Variants in SH3GL2 observed in about 807,000 individuals in gnomAD.
SH3GL2 encodes the protein endophilin-A1.
Under a neutral mutation model 46.0 loss-of-function variants are expected in SH3GL2, and 24 were observed. That is an observed-to-expected ratio of 0.52 (90% confidence interval 0.38 to 0.73). The LOEUF is 0.73. SH3GL2 is among the 30% of genes least tolerant of loss of function. The pLI, the probability that SH3GL2 is intolerant of heterozygous loss-of-function variation, is 0.00. For synonymous variants in SH3GL2, 196 were observed against 147.1 expected (o/e 1.33, Z -2.40); for missense variants, 413 against 424.2 (o/e 0.97, Z 0.23).
intron 2 of SH3GL2, among the ~76,000 whole-genome samples, chr9:17,751,853 A>ACC (rs35670812): frequency 6.6e-6 from 1 of 151,632 alleles, no homozygotes; most frequent in South Asian, 2.1e-4. Context: ...GCTAAGACAC[A>ACC]CCCCCCCGGT....
intron 1 of SH3GL2, among the ~76,000 whole-genome samples, chr9:17,652,831 A>T (rs546257531): frequency 3.3e-5 from 5 of 152,172 alleles, no homozygotes; most frequent in Non-Finnish European, 7.4e-5. Context: ...TGAATTTGTT[A>T]TTCTAGTAGA....
intron 3 of SH3GL2, among the ~76,000 whole-genome samples, chr9:17,770,737 A>T (rs1823452897): frequency 6.6e-6 from 1 of 152,194 alleles, no homozygotes; most frequent in African/African-American, 2.4e-5. Flanking sequence ...CAGCCCAAGG[A>T]GAGGACCACA....
chr9:17,625,258 G>A (rs188614687), intron 1 of SH3GL2, among the ~76,000 whole-genome samples: 20 of 152,210 alleles, frequency 1.3e-4, no homozygotes, highest in African/African-American at 4.8e-4. Flanking sequence ...CCCTTGGTGG[G>A]AGCAGCCTGC....
At chr9:17,672,966 C>G (rs1459810686) in intron 1 of SH3GL2, among the ~76,000 whole-genome samples, 1 of 152,154 alleles carries the variant, frequency 6.6e-6, no homozygotes, top group Admixed American at 6.5e-5. Flanking sequence ...GAGAAGACTA[C>G]TGCCTGCTCT....
chr9:17,657,491 A>G (rs1354378208), intron 1 of SH3GL2, among the ~76,000 whole-genome samples: 1 of 152,154 alleles, frequency 6.6e-6, no homozygotes, highest in African/African-American at 2.4e-5. Context: ...TTTTGGTGTT[A>G]TTCTAATTAT....
intron 1 of SH3GL2, among the ~76,000 whole-genome samples, chr9:17,690,217 G>C (rs1300970693): frequency 3.3e-5 from 5 of 152,132 alleles, no homozygotes; most frequent in Non-Finnish European, 7.4e-5. Context: ...AGAAGTGACT[G>C]CTCAGTAGCG....
intron 1 of SH3GL2, among the ~76,000 whole-genome samples, chr9:17,708,474 T>C (rs930172072): frequency 6.6e-6 from 1 of 152,058 alleles, no homozygotes; most frequent in Non-Finnish European, 1.5e-5. Flanking sequence ...TTTTGGCTTT[T>C]AAAAACATGT....
intron 1 of SH3GL2, among the ~76,000 whole-genome samples, chr9:17,635,617 C>T (rs1396357572): frequency 2.0e-5 from 3 of 152,182 alleles, no homozygotes; most frequent in African/African-American, 2.4e-5. Context: ...ATGCACTGTT[C>T]TTGACCTCAC....
rs777017515 is a variant in SH3GL2 at position 17,709,938 on chromosome 9, C to T, written c.46-37128C>T. 4.6e-5 allele frequency among the ~76,000 whole-genome samples: 7 copies of T among 151,744 alleles called. No individual in the cohort carries two copies. In the South Asian group the frequency reaches 6.2e-4, roughly 14 times the overall value. The stretch of plus-strand genomic sequence containing the variant: ...GGGAGATAGAAATATATACCATTAA[C>T]AATAGAGTGAGGGCAGTACCCCTAG... On this transcript the variant is annotated intron_variant, in intron 1 of 8. Transcript: ENST00000380607.
At chr9:17,753,434 T>C (rs925501059) in intron 2 of SH3GL2, among the ~76,000 whole-genome samples, 3 of 152,256 alleles carry the variant, frequency 2.0e-5, no homozygotes, top group African/African-American at 4.8e-5. Flanking sequence ...TCAGTGATGT[T>C]GAGTGTTTTC....
intron 1 of SH3GL2, among the ~76,000 whole-genome samples, chr9:17,584,787 G>T (rs1246392176): frequency 6.6e-6 from 1 of 152,156 alleles, no homozygotes; most frequent in Non-Finnish European, 1.5e-5. Flanking sequence ...GGCCTGTGGG[G>T]TATATGAAAA....
intron 1 of SH3GL2, among the ~76,000 whole-genome samples, chr9:17,663,383 T>A (rs1015535109): frequency 6.6e-6 from 1 of 152,220 alleles, no homozygotes; most frequent in Non-Finnish European, 1.5e-5. Flanking sequence ...TTCCTCCTAT[T>A]AAAATTTTTT....
chr9:17,755,018 C>G (rs1335053407), intron 2 of SH3GL2, among the ~76,000 whole-genome samples: 1 of 152,110 alleles, frequency 6.6e-6, no homozygotes, highest in Non-Finnish European at 1.5e-5. Context: ...ACTTCCAATA[C>G]TATGTTAAAT....
At chr9:17,766,144 G>A (rs896240064) in intron 3 of SH3GL2, among the ~76,000 whole-genome samples, 3 of 152,204 alleles carry the variant, frequency 2.0e-5, no homozygotes, top group Non-Finnish European at 4.4e-5. Flanking sequence ...ACAGTCTGAG[G>A]AGAGGAGCCC....
chr9:17,731,338 G>A (rs895811977), intron 1 of SH3GL2, among the ~76,000 whole-genome samples: 5 of 151,626 alleles, frequency 3.3e-5, no homozygotes, highest in Admixed American at 1.3e-4. Context: ...ATATGAGTTC[G>A]TGAGGGTAGA....
At chr9:17,787,538 A>C (rs776602964) in intron 5 of SH3GL2, 25 bp downstream of exon 5, 2 of 1,603,298 alleles carry the variant, frequency 1.2e-6, no homozygotes, top group Non-Finnish European at 1.7e-6. Context: ...TCTTCTGGAA[A>C]GTGGGCAGTT....
intron 1 of SH3GL2, among the ~76,000 whole-genome samples, chr9:17,624,137 T>C (rs148405997): frequency 6.6e-6 from 1 of 152,358 alleles, no homozygotes; most frequent in Non-Finnish European, 1.5e-5. Context: ...TGCTGCCTCA[T>C]GATTAGATTC....
At chr9:17,767,191 A>G (rs184861772) in intron 3 of SH3GL2, among the ~76,000 whole-genome samples, 1 of 152,316 alleles carries the variant, frequency 6.6e-6, no homozygotes, top group Non-Finnish European at 1.5e-5. Context: ...TTTTCCCTTG[A>G]ATGCCTATAT....
At chr9:17,761,346 A>C in intron 2 of SH3GL2, 91 bp from the exon 3 acceptor site, 1 of 812,060 alleles carries the variant, frequency 1.2e-6, no homozygotes, top group South Asian at 1.4e-5. Flanking sequence ...GCTCTGTTGC[A>C]TACCCCGCCA....
Sources: allele counts gnomAD v4.1 joint callset (sites outside exome capture counted in the v4.1 genomes callset), GRCh38; gene constraint gnomAD v4.1.1; transcripts MANE v1.5; gene names NCBI Gene and HGNC (gene_info 2026-07-23, HGNC 2026-07-21).